ARHGEF26: variants seen among roughly 807,000 people sequenced by gnomAD.
ARHGEF26 encodes the protein Rho guanine nucleotide exchange factor 26, also known as Rho guanine nucleotide exchange factor (GEF) 26.
A neutral mutation model predicts 89.4 loss-of-function variants in ARHGEF26; 59 were observed. That is an observed-to-expected ratio of 0.66 (90% CI 0.54 to 0.82). ARHGEF26 has a LOEUF of 0.82. Ranked by LOEUF, ARHGEF26 falls within the 40% of genes least tolerant of loss-of-function variation. The pLI is 0.00. For synonymous variants in ARHGEF26, 500 were observed against 428.4 expected (o/e 1.17, Z -2.06); for missense variants, 1,234 against 1,085.6 (o/e 1.14, Z -1.92).
At chr3:154,222,036 T>C (rs1716164704) in intron 10 of ARHGEF26, among the ~76,000 whole-genome samples, 1 of 152,216 alleles carries the variant, frequency 6.6e-6, no homozygotes, top group Non-Finnish European at 1.5e-5. Context: ...AACCCTATAA[T>C]GTACCCTTAT....
upstream of ARHGEF26, chr3:154,121,311 T>A (rs1214018972): frequency 6.9e-6 from 1 of 144,688 alleles, no homozygotes; most frequent in African/African-American, 2.6e-5. Flanking sequence ...TTCTTGCTTC[T>A]GGCTGCGATG....
In ARHGEF26 at chr3:154,122,452, GC is replaced by G. The variant is rs756178115; in HGVS notation, c.465del (p.Cys156AlafsTer10). On this transcript the variant is annotated frameshift_variant, in exon 2 of 15. Transcript: ENST00000465093. LOFTEE classifies it high-confidence loss of function. Reference sequence around the variant, plus strand: ...CCCCCCGCGGACTCCTAACGCGCCCGCCCCCTGCACCCCCGAGGAGGACCTT... The same window carrying G: ...CCCCCCGCGGACTCCTAACGCGCCCGCCCCTGCACCCCCGAGGAGGACCTT... Reference protein sequence around the residue: ...LRPPRTPNAPAPCTPEEDLTG... With the variant: ...LRPPRTPNAPXPCTPEEDLTG... 6.2e-7 allele frequency: 1 copy of G among 1,611,886 alleles called. No homozygotes were observed. The highest frequency in any genetic ancestry group is 8.5e-7 in the Non-Finnish European group (1 of 1,179,496).
At chr3:154,250,663 TA>T (rs1220489816) in intron 12 of ARHGEF26, among the ~76,000 whole-genome samples, 1 of 152,198 alleles carries the variant, frequency 6.6e-6, no homozygotes, top group East Asian at 1.9e-4. Context: ...CAAGTTGCTC[TA>T]AATTGCTCCA....
chr3:154,122,472 G>T lies in ARHGEF26; in HGVS notation c.480G>T (p.Glu160Asp). Residue 160 changes from glutamate (E) to aspartate (D), a missense_variant, in exon 2 of 15, where the codon GAG becomes GAT. Physicochemically the swap from Glu to Asp is conservative, Grantham distance 45 (BLOSUM62 2). Coordinates refer to ENST00000465093, the MANE Select transcript of ARHGEF26 (RefSeq NM_015595.4). The part of the protein sequence containing the change: ...PNAPAPCTPE[E>D]DLTGLTASPV... ...CGCCCGCCCCCTGCACCCCCGAGGA[G>T]GACCTTACTGGGTTGACTGCCAGCC... 1 of 1,612,616 alleles carries T rather than the reference G, an allele frequency of 6.2e-7. No homozygotes were observed. Among genetic ancestry groups the T allele is most frequent in the Non-Finnish European group, 8.5e-7 (1 of 1,179,712 alleles).
At chr3:154,234,817 G>C (rs2108273708) in intron 11 of ARHGEF26, among the ~76,000 whole-genome samples, 1 of 152,220 alleles carries the variant, frequency 6.6e-6, no homozygotes, top group Admixed American at 6.5e-5. Flanking sequence ...CCAGGCTGGA[G>C]TGCGGTGGCG....
At chr3:154,238,970 T>G in intron 11 of ARHGEF26, among the ~76,000 whole-genome samples, 1 of 151,512 alleles carries the variant, frequency 6.6e-6, no homozygotes, top group African/African-American at 2.4e-5. Flanking sequence ...AACTGGTGAG[T>G]TAAATAATGG....
intron 6 of ARHGEF26, among the ~76,000 whole-genome samples, chr3:154,171,374 C>G (rs1430275414): frequency 6.6e-6 from 1 of 152,176 alleles, no homozygotes; most frequent in Non-Finnish European, 1.5e-5. Flanking sequence ...ACATCACTAT[C>G]ACCTAAAGTA....
intron 9 of ARHGEF26, among the ~76,000 whole-genome samples, chr3:154,213,201 TAGAGAG>T (rs60158333): frequency 1.5e-5 from 2 of 136,464 alleles, no homozygotes; most frequent in East Asian, 2.3e-4. Context: ...ACGAGTAACA[TAGAGAG>T]AGAGAGAGAG....
intron 6 of ARHGEF26, among the ~76,000 whole-genome samples, chr3:154,184,039 C>T (rs1356173949): frequency 6.8e-6 from 1 of 147,526 alleles, no homozygotes; most frequent in Non-Finnish European, 1.5e-5. Context: ...GTGGCGCAAT[C>T]TCGGCTCACT....
intron 2 of ARHGEF26, among the ~76,000 whole-genome samples, 195 bp downstream of exon 2, chr3:154,123,270 T>C (rs539850431): frequency 5.6e-4 from 85 of 152,296 alleles, no homozygotes; most frequent in African/African-American, 1.5e-3. Context: ...AGTGCAACTT[T>C]GTGGGAAGAA....
At chr3:154,149,304 G>A in intron 4 of ARHGEF26, 85 bp from the exon 5 acceptor site, 4 of 960,192 alleles carry the variant, frequency 4.2e-6, no homozygotes, top group South Asian at 3.6e-5. Flanking sequence ...ATTTTTGAAG[G>A]GCATAGAGTT....
chr3:154,142,679 A>G lies in ARHGEF26; in HGVS notation c.1270-6710A>G, dbSNP rs1719452603. On this transcript the variant is annotated intron_variant, in intron 4 of 14. Transcript: ENST00000465093. ...AAGCAAAAATAAAATAGCAACTAAT[A>G]TATTGGCATCACCTTTAGAAATAGG... 2.0e-5 allele frequency among the ~76,000 whole-genome samples: 3 copies of G among 152,320 alleles called. No individual in the cohort carries two copies. The South Asian group carries it at 6.2e-4, about 32-fold the overall frequency.
rs139843553 is a variant in ARHGEF26, at chr3:154,147,420, A to G, written c.1270-1969A>G. Among the ~76,000 whole-genome samples, 656 of 152,314 alleles carry G rather than the reference A, an allele frequency of 4.3e-3. 4 individuals are homozygous for G. The highest frequency in any genetic ancestry group is 0.015 in the African/African-American group (629 of 41,568). ...AGTGAGACTCTATCTCAATAAATAA[A>G]TAAATACGAAAAAGGAGCCTGTACA... On this transcript the variant is annotated intron_variant, in intron 4 of 14. Transcript: ENST00000465093.
rs764185574 is a variant in ARHGEF26 at position 154,187,787 on chromosome 3, GA to G, written c.1593del (p.Lys531AsnfsTer17). On this transcript the variant is annotated frameshift_variant, in exon 7 of 15. Transcript: ENST00000465093. LOFTEE classifies it high-confidence loss of function. The stretch of plus-strand genomic sequence containing the variant: ...CAGCATCCACATTTGACCCATATGT[GA>G]AATACTGCACAAATGAAGTCTACCA... ...HTASTFDPYV[K>X]YCTNEVYQQR... 4.3e-6 allele frequency: 7 copies of G among 1,611,372 alleles called. No individual in the cohort carries two copies. In the African/African-American group the frequency reaches 9.3e-5, roughly 22 times the overall value.
Position 154,122,148 on chromosome 3 carries a change from G to C in ARHGEF26, c.156G>C (p.Pro52=), listed in dbSNP as rs769549233. ...ACGGGTTACTAATTACGGATTTCCC[G>C]GTGGAGGACGGAGGGACGCTCCTCG... ...SPNGLLITDF[P]VEDGGTLLAA... is the part of the protein sequence containing the mutation. Residue 52 remains proline (P), a synonymous_variant, in exon 2 of 15, where the codon CCG becomes CCC. Transcript: ENST00000465093. 1.2e-6 allele frequency: 2 copies of C among 1,601,302 alleles called. No homozygotes were observed. Among genetic ancestry groups the C allele is most frequent in the Non-Finnish European group, 1.7e-6 (2 of 1,173,982 alleles).
In ARHGEF26 at chr3:154,136,800, TAC is replaced by T. The variant is rs952437307; in HGVS notation, c.1269+7083_1269+7084del. On this transcript the variant is annotated intron_variant, in intron 4 of 14. Coordinates refer to ENST00000465093, the MANE Select transcript of ARHGEF26 (RefSeq NM_015595.4). ...TTCTGTAGTTTTATAATTTTTCATT[TAC>T]AGTTTGGCAACGCAGCAGTCTCATA... Among the ~76,000 whole-genome samples the T allele has an allele frequency of 3.9e-5, 6 of 152,348 alleles. No individual in the cohort carries two copies. The East Asian group carries it at 5.8e-4, about 15-fold the overall frequency.
chr3:154,149,349 A>G, intron 4 of ARHGEF26, 40 bp from the exon 5 acceptor site: 3 of 1,547,670 alleles, frequency 1.9e-6, no homozygotes, highest in Non-Finnish European at 2.6e-6. Flanking sequence ...CTTTTAAAGT[A>G]TTAATAAATG....
intron 11 of ARHGEF26, among the ~76,000 whole-genome samples, chr3:154,236,465 G>A (rs761082917): frequency 6.6e-6 from 1 of 152,198 alleles, no homozygotes; most frequent in Non-Finnish European, 1.5e-5. Flanking sequence ...CTCCATGCAA[G>A]GAAAGATGGT....
chr3:154,187,222 G>A, intron 6 of ARHGEF26: 1 of 984,088 alleles, frequency 1.0e-6, no homozygotes, highest in Non-Finnish European at 1.2e-6. Context: ...ATTTATTTAG[G>A]TGTTTTGCTC....
Sources: gnomAD v4.1 joint callset for allele counts (sites outside exome capture counted in the v4.1 genomes callset) on GRCh38, gnomAD v4.1.1 for gene constraint, MANE v1.5 for transcripts, NCBI Gene and HGNC (gene_info 2026-07-23, HGNC 2026-07-21) for gene names.